Variants in DGKZ observed in about 807,000 individuals in gnomAD.
DGKZ encodes diacylglycerol kinase zeta, also known as DAG kinase zeta.
A neutral mutation model predicts 142.5 loss-of-function variants in DGKZ; 45 were observed. The observed-to-expected ratio is 0.32, with a 90% CI of 0.25 to 0.40. The LOEUF (loss-of-function observed/expected upper bound fraction) is 0.40, where lower values mean the gene tolerates loss of function less well. Among genes scored for constraint, DGKZ ranks in the 10% least tolerant of loss-of-function variants. DGKZ has a pLI of 1.00. For missense variants in DGKZ, 755 were observed against 1,306.5 expected, an observed-to-expected ratio of 0.58 and a Z score of 6.51; for synonymous variants, 442 against 527.0, an observed-to-expected ratio of 0.84 and a Z score of 2.21.
At chr11:46,374,911 C>G (rs974711027) in intron 18 of DGKZ, 23 bp from the exon 19 acceptor site, 10 of 1,574,912 alleles carry the variant, frequency 6.3e-6, no homozygotes, top group South Asian at 1.1e-5. Flanking sequence ...TTTTGAGGCC[C>G]ATGTCATCGC....
At chr11:46,369,246 GC>G (rs1943676259) in intron 4 of DGKZ, 1 of 575,998 alleles carries the variant, frequency 1.7e-6, no homozygotes, top group African/African-American at 1.9e-5. Flanking sequence ...CGGACCCAAA[GC>G]TCCCAACCTC....
exon 1 of DGKZ, chr11:46,333,435 C>T: frequency 6.5e-7 from 1 of 1,531,070 alleles, no homozygotes; most frequent in Non-Finnish European, 8.8e-7. Flanking sequence ...CGCTGGGCCC[C>T]CGGTGGAGGA....
At chr11:46,351,144 C>T (rs929148656) in intron 1 of DGKZ, among the ~76,000 whole-genome samples, 2 of 152,054 alleles carry the variant, frequency 1.3e-5, no homozygotes, top group Non-Finnish European at 2.9e-5. Context: ...CAGGACCCAC[C>T]GGGAAGGAGG....
rs754500459 is a variant in DGKZ at position 46,376,521 on chromosome 11, C to T, written c.2162-3C>T. On this transcript the variant is annotated splice_region_variant and splice_polypyrimidine_tract_variant and intron_variant, in intron 23 of 30. Transcript: ENST00000527911. ...TGATCCTCAGCTGCCCTCTCTCCCA[C>T]AGCCACCACTGCCAGCCGCTTCTAC... is the stretch of plus-strand genomic sequence containing the variant. The T allele has an allele frequency of 1.3e-5, 21 of 1,613,638 alleles. No homozygotes were observed. The highest frequency in any genetic ancestry group is 5.3e-5 in the African/African-American group (4 of 74,942).
intron 1 of DGKZ, among the ~76,000 whole-genome samples, chr11:46,351,578 C>G (rs1359598118): frequency 1.3e-5 from 2 of 152,168 alleles, no homozygotes; most frequent in Non-Finnish European, 2.9e-5. Context: ...GGTGAGAACC[C>G]TGTCTATGGT....
At chr11:46,377,388 C>T (rs1003403546) in intron 25 of DGKZ, 176 bp downstream of exon 25, 2 of 1,222,958 alleles carry the variant, frequency 1.6e-6, no homozygotes, top group African/African-American at 1.6e-5. Flanking sequence ...GAAGCGGCCT[C>T]ACGTCCACCC....
chr11:46,335,427 GCA>G (rs56935902), intron 1 of DGKZ, among the ~76,000 whole-genome samples: 14,202 of 146,470 alleles, frequency 0.097, 1,913 homozygotes, highest in African/African-American at 0.31. Flanking sequence ...ACACGTGCAC[GCA>G]CACACACACA....
chr11:46,337,110 G>C (rs1940052792), intron 1 of DGKZ, among the ~76,000 whole-genome samples: 2 of 152,010 alleles, frequency 1.3e-5, no homozygotes, highest in Non-Finnish European at 2.9e-5. Flanking sequence ...TAAATGATCA[G>C]GGTTGGGCTC....
At position 46,347,976 on chromosome 11, in the gene DGKZ, G is replaced by A. The variant is rs1940874077; in HGVS notation, c.161+156G>A. ...CCGGCGGCACGAGCCGTCTTGGCGTGGGCACCCACTGGGAGTCATCCCCCA... is the reference window on the plus strand; with the variant it reads ...CCGGCGGCACGAGCCGTCTTGGCGTAGGCACCCACTGGGAGTCATCCCCCA... On this transcript the variant is annotated intron_variant, in intron 1 of 30. Transcript: ENST00000527911. The surrounding 1 kb of genome is among the most constrained non-coding windows in gnomAD (Gnocchi z 6.4). Among the ~76,000 whole-genome samples the A allele has an allele frequency of 1.3e-5, 2 of 152,158 alleles. No individual in the cohort carries two copies. Among genetic ancestry groups the A allele is most frequent in the South Asian group, 4.1e-4 (2 of 4,826 alleles).
Position 46,367,992 on chromosome 11 carries a change from T to C in DGKZ, c.367-10T>C, listed in dbSNP as rs753083191. On this transcript the variant is annotated splice_polypyrimidine_tract_variant and intron_variant, in intron 3 of 30. Transcript: ENST00000527911. The surrounding 1 kb of genome is among the most constrained non-coding windows in gnomAD (Gnocchi z 4.1). ...TGGTGCCTCAGGGGCCCTCTCTTCC[T>C]GTCCTGCAGCAGAAGTCAGTGTCTC... 2 of 1,613,848 alleles carry C rather than the reference T, an allele frequency of 1.2e-6. No individual in the cohort carries two copies. Among genetic ancestry groups the C allele is most frequent in the South Asian group, 1.1e-5 (1 of 91,056 alleles).
rs779045779 is a variant in DGKZ, at chr11:46,367,705, C to G, written c.324C>G (p.Asp108Glu). The change falls in exon 3 of 31, where the codon GAC becomes GAG. Residue 108 changes from aspartate (D) to glutamate (E), a missense_variant. By Grantham distance (45) the Asp-to-Glu change is conservative. Around this residue, in one of 8 missense-constraint regions of DGKZ, gnomAD observed 81 missense variants for 86.5 expected, o/e 0.94. Transcript: ENST00000527911. The surrounding 1 kb of genome is among the most constrained non-coding windows in gnomAD (Gnocchi z 4.1). ...GGTTCGAGACCAACGTGTCCGGGGA[C>G]TTCTGCTACGTTGGGGAGCAGTACT... 4.3e-6 allele frequency: 7 copies of G among 1,612,104 alleles called. No homozygotes were observed. The highest frequency in any genetic ancestry group is 5.9e-6 in the Non-Finnish European group (7 of 1,179,442).
chr11:46,376,141 A>G (rs1168963745), exon 22 of DGKZ: 1 of 1,611,028 alleles, frequency 6.2e-7, no homozygotes, highest in Admixed American at 1.7e-5. Context: ...GAGAGACTCC[A>G]GCAGGTAAGG....
At chr11:46,378,926 G>A (rs1047161442) in intron 27 of DGKZ, 65 bp from the exon 28 acceptor site, 21 of 1,497,970 alleles carry the variant, frequency 1.4e-5, no homozygotes, top group Admixed American at 4.5e-5. Context: ...GTGGGCCAGC[G>A]TGTGAGCTCA....
intron 1 of DGKZ, among the ~76,000 whole-genome samples, chr11:46,352,693 G>C (rs971616962): frequency 6.6e-6 from 1 of 152,220 alleles, no homozygotes; most frequent in African/African-American, 2.4e-5. Context: ...TCAGCTGCGG[G>C]GGCAGTGTGT....
intron 9 of DGKZ, 79 bp downstream of exon 9, chr11:46,371,854 C>A: frequency 6.6e-7 from 1 of 1,506,528 alleles, no homozygotes. Flanking sequence ...CTTCCACCCC[C>A]AGCTAATGCT....
At position 46,366,983 on chromosome 11, in the gene DGKZ, G is replaced by T. The variant is rs183591225; in HGVS notation, c.162-308G>T. ...ACCCCAGGCCTGGAGCGCCCTGCTCGCGTAGGTATAGCTGTGGCCAGCAGG... is the reference window on the plus strand; with the variant it reads ...ACCCCAGGCCTGGAGCGCCCTGCTCTCGTAGGTATAGCTGTGGCCAGCAGG... On this transcript the variant is annotated intron_variant, in intron 1 of 30. Transcript: ENST00000527911. 11 of 1,525,298 alleles carry T rather than the reference G, an allele frequency of 7.2e-6. No homozygotes were observed. In the African/African-American group the frequency reaches 1.2e-4, roughly 17 times the overall value. The allele number at this position is 1,525,298 out of a possible 1,614,324, so 94.5% of individuals were successfully genotyped here. A position where few individuals can be genotyped will look rare whatever the true frequency, so the allele number is the denominator to read the frequency against.
rs775440144 is a variant in DGKZ at position 46,368,236 on chromosome 11, C to T, written c.444+157C>T. The stretch of plus-strand genomic sequence containing the variant: ...GACCCTGGAGCCAAATGCCTGCGTT[C>T]GAATCCTGGCTCCTCACTGATTAGC... On this transcript the variant is annotated intron_variant, in intron 4 of 30. Coordinates refer to ENST00000527911, the Ensembl canonical transcript of DGKZ. 35 of 756,646 alleles carry T rather than the reference C, an allele frequency of 4.6e-5. 1 individual carries two copies. The highest frequency in any genetic ancestry group is 1.1e-4 in the East Asian group (4 of 36,602). The allele number at this position is 756,646 out of a possible 1,614,324, so 46.9% of individuals were successfully genotyped here. A position where few individuals can be genotyped will look rare whatever the true frequency, so the allele number is the denominator to read the frequency against.
At chr11:46,375,754 G>A in intron 20 of DGKZ, 97 bp from the exon 21 acceptor site, 1 of 1,510,238 alleles carries the variant, frequency 6.6e-7, no homozygotes, top group Non-Finnish European at 8.9e-7. Context: ...TGGGAGTGGA[G>A]CGGGACCTTC....
chr11:46,344,317 T>C (rs1003473114), upstream of DGKZ, among the ~76,000 whole-genome samples: 1 of 152,176 alleles, frequency 6.6e-6, no homozygotes, highest in African/African-American at 2.4e-5. Context: ...AGAGCCCTGC[T>C]TCCTTGTTTT....
Sources: gnomAD v4.1 joint callset for allele counts (sites outside exome capture counted in the v4.1 genomes callset) on GRCh38, gnomAD v4.1.1 for gene constraint, gnomAD v4.1.1 regional missense constraint, Gnocchi (gnomAD v3.1) non-coding constraint, MANE v1.5 for transcripts, NCBI Gene and HGNC (gene_info 2026-07-23, HGNC 2026-07-21) for gene names.